The following UBASH3B variants were observed in gnomAD, a reference collection of about 807,000 sequenced individuals.
UBASH3B encodes the protein ubiquitin associated and SH3 domain containing B, also known as ubiquitin-associated and SH3 domain-containing protein B.
Under a neutral mutation model 83.4 loss-of-function variants are expected in UBASH3B, and 37 were observed. The observed-to-expected ratio is 0.44, with a 90% CI of 0.34 to 0.58. The LOEUF (loss-of-function observed/expected upper bound fraction) is 0.58, where lower values mean the gene tolerates loss of function less well. Among genes scored for constraint, UBASH3B ranks in the 20% least tolerant of loss-of-function variants. The pLI, the probability that UBASH3B is intolerant of heterozygous loss-of-function variation, is 0.01. For missense variants in UBASH3B, 657 were observed against 827.2 expected, an observed-to-expected ratio of 0.79 and a Z score of 2.52; for synonymous variants, 304 against 318.3, an observed-to-expected ratio of 0.96 and a Z score of 0.48.
At chr11:122,659,976 A>AC (rs951502545) in intron 1 of UBASH3B, among the ~76,000 whole-genome samples, 1 of 152,134 alleles carries the variant, frequency 6.6e-6, no homozygotes, top group African/African-American at 2.4e-5. Flanking sequence ...GCTGGGCTGC[A>AC]CTGTGCTGTG....
At chr11:122,710,973 G>A (rs548414956) in intron 1 of UBASH3B, among the ~76,000 whole-genome samples, 3 of 152,248 alleles carry the variant, frequency 2.0e-5, no homozygotes, top group South Asian at 4.2e-4. Context: ...AGGCCATAGA[G>A]GAAACATTGG....
rs138123322 is a variant in UBASH3B, at chr11:122,660,122, G to A, written c.161+3912G>A. Among the ~76,000 whole-genome samples the A allele has an allele frequency of 2.2e-4, 33 of 152,332 alleles. No individual in the cohort carries two copies. In the East Asian group the frequency reaches 6.0e-3, roughly 28 times the overall value. On this transcript the variant is annotated intron_variant, in intron 1 of 13. Transcript: ENST00000284273. Reference sequence around the variant, plus strand: ...GGGCTGCAGGGCTGGCTCAAGCAGGGTGACCTCAGGGTGTGCTCTCTCTAG... The same window carrying A: ...GGGCTGCAGGGCTGGCTCAAGCAGGATGACCTCAGGGTGTGCTCTCTCTAG...
chr11:122,806,563 C>T lies in UBASH3B; in HGVS notation c.1702+47C>T. 1 of 1,507,990 alleles carries T rather than the reference C, an allele frequency of 6.6e-7. No individual in the cohort carries two copies. Among genetic ancestry groups the T allele is most frequent in the Non-Finnish European group, 8.8e-7 (1 of 1,136,478 alleles). 93.4% of individuals were successfully genotyped at this position (1,507,990 alleles called of 1,614,324 possible). A position where few individuals can be genotyped will look rare whatever the true frequency, so the allele number is the denominator to read the frequency against. ...TCCATCTGTACATACGTGATTATTTCTCTATAATGGTTAATAGGTTATTCA... is the reference window on the plus strand; with the variant it reads ...TCCATCTGTACATACGTGATTATTTTTCTATAATGGTTAATAGGTTATTCA... On this transcript the variant is annotated intron_variant, in intron 12 of 13. Transcript: ENST00000284273. This position sits in a 1 kb window ranked among gnomAD's most constrained non-coding sequence, Gnocchi z 4.0.
At chr11:122,697,010 C>T (rs775636593) in intron 1 of UBASH3B, among the ~76,000 whole-genome samples, 4 of 152,034 alleles carry the variant, frequency 2.6e-5, no homozygotes, top group African/African-American at 4.8e-5. Context: ...GGGTCACTGG[C>T]GGTGTTTGTT....
intron 6 of UBASH3B, among the ~76,000 whole-genome samples, chr11:122,792,226 A>T (rs1861067903): frequency 6.6e-6 from 1 of 152,146 alleles, no homozygotes; most frequent in Admixed American, 6.5e-5. Flanking sequence ...ACAGATATGT[A>T]CAAGAACGAT....
At chr11:122,805,117 G>A (rs2135189101) in intron 11 of UBASH3B, among the ~76,000 whole-genome samples, 1 of 152,356 alleles carries the variant, frequency 6.6e-6, no homozygotes, top group South Asian at 2.1e-4. Context: ...TGGACTTATA[G>A]TTACATGTGA....
intron 9 of UBASH3B, among the ~76,000 whole-genome samples, chr11:122,798,678 TC>T (rs1861194779): frequency 7.2e-6 from 1 of 138,236 alleles, no homozygotes; most frequent in Non-Finnish European, 1.5e-5. Flanking sequence ...ACCACTGCAC[TC>T]CAGCCTGGCG....
intron 7 of UBASH3B, 121 bp downstream of exon 7, chr11:122,794,955 A>C: frequency 7.2e-7 from 1 of 1,393,316 alleles, no homozygotes; most frequent in South Asian, 1.3e-5. Context: ...TTGGGAAGAA[A>C]GTACACCAAA....
intron 1 of UBASH3B, among the ~76,000 whole-genome samples, chr11:122,748,454 C>T (rs867572916): frequency 9.2e-5 from 14 of 152,196 alleles, no homozygotes; most frequent in African/African-American, 3.4e-4. Flanking sequence ...CCTGTGCACT[C>T]GGAGAATTCT....
At chr11:122,788,739 T>C (rs190039815) in intron 5 of UBASH3B, among the ~76,000 whole-genome samples, 327 of 152,260 alleles carry the variant, frequency 2.1e-3, no homozygotes, top group African/African-American at 7.7e-3. Flanking sequence ...TCATGGTGAC[T>C]ATCAGATGAA....
intron 1 of UBASH3B, among the ~76,000 whole-genome samples, chr11:122,731,623 G>A (rs1385031372): frequency 6.6e-6 from 1 of 152,168 alleles, no homozygotes; most frequent in Non-Finnish European, 1.5e-5. Flanking sequence ...ACAAAGGGAT[G>A]ATTCATGTCC....
At chr11:122,724,941 GTTATT>G (rs1447278376) in intron 1 of UBASH3B, among the ~76,000 whole-genome samples, 3 of 152,000 alleles carry the variant, frequency 2.0e-5, no homozygotes, top group African/African-American at 4.8e-5. Context: ...AAATTTGTAT[GTTATT>G]TTATTTATTT....
intron 1 of UBASH3B, among the ~76,000 whole-genome samples, chr11:122,760,350 A>C (rs1339663272): frequency 7.0e-6 from 1 of 143,398 alleles, no homozygotes; most frequent in Non-Finnish European, 1.5e-5. Flanking sequence ...CAACAGAGAA[A>C]GTTTTTTTTT....
chr11:122,808,222 A>C, intron 13 of UBASH3B, 46 bp downstream of exon 13: 1 of 1,453,324 alleles, frequency 6.9e-7, no homozygotes, highest in Non-Finnish European at 9.7e-7. Context: ...TAGTAGTTTG[A>C]AGTCAGTACA....
chr11:122,800,009 T>C (rs534946237), intron 10 of UBASH3B, among the ~76,000 whole-genome samples: 2 of 152,202 alleles, frequency 1.3e-5, no homozygotes, highest in Non-Finnish European at 2.9e-5. Flanking sequence ...GTATTAAATT[T>C]GCACAGAACA....
At chr11:122,687,520 T>TG (rs928752820) in intron 1 of UBASH3B, among the ~76,000 whole-genome samples, 3 of 152,014 alleles carry the variant, frequency 2.0e-5, no homozygotes, top group Middle Eastern at 3.2e-3. Flanking sequence ...TGTGTTGTAT[T>TG]GGGGGGGCAG....
At chr11:122,673,251 A>T (rs1863623337) in intron 1 of UBASH3B, among the ~76,000 whole-genome samples, 2 of 152,180 alleles carry the variant, frequency 1.3e-5, no homozygotes, top group Non-Finnish European at 2.9e-5. Flanking sequence ...TGAGCTGGGG[A>T]TGCAGGCCCT....
At chr11:122,728,416 C>G (rs771750397) in intron 1 of UBASH3B, among the ~76,000 whole-genome samples, 38 of 152,172 alleles carry the variant, frequency 2.5e-4, no homozygotes, top group Non-Finnish European at 4.0e-4. Flanking sequence ...GGGAATTAAG[C>G]GTAGCTGACA....
chr11:122,739,586 A>T (rs1237005519), intron 1 of UBASH3B, among the ~76,000 whole-genome samples: 1 of 151,940 alleles, frequency 6.6e-6, no homozygotes, highest in East Asian at 1.9e-4. Flanking sequence ...GGAATGTCTT[A>T]CTCTCCTCTG....
Sources: gnomAD v4.1 joint callset for allele counts (sites outside exome capture counted in the v4.1 genomes callset) on GRCh38, gnomAD v4.1.1 for gene constraint, Gnocchi (gnomAD v3.1) non-coding constraint, MANE v1.5 for transcripts, NCBI Gene and HGNC (gene_info 2026-07-23, HGNC 2026-07-21) for gene names.